ZNF749: variants seen among roughly 807,000 people sequenced by gnomAD.
ZNF749 encodes zinc finger protein 749.
Under a neutral mutation model 7.3 loss-of-function variants are expected in ZNF749, and 8 were observed. That is an observed-to-expected ratio of 1.10 (90% confidence interval 0.64 to 1.98). The LOEUF (loss-of-function observed/expected upper bound fraction) is 1.98, where lower values mean the gene tolerates loss of function less well. ZNF749 is among the 30% of genes most tolerant of loss of function. The pLI, the probability that ZNF749 is intolerant of heterozygous loss-of-function variation, is 0.00. For synonymous variants in ZNF749, 310 were observed against 322.4 expected, an observed-to-expected ratio of 0.96 and a Z score of 0.41; for missense variants, 898 against 932.4, an observed-to-expected ratio of 0.96 and a Z score of 0.48.
At chr19:57,429,843 C>G in the ZNF749 span, among the ~76,000 whole-genome samples, 1 of 152,090 alleles carries the variant, frequency 6.6e-6, no homozygotes. This position sits in a 1 kb window ranked among gnomAD's most constrained non-coding sequence, Gnocchi z 4.2. Context: ...TCAAAAGGCA[C>G]ATGTTTCTAA....
chr19:57,437,932 TCA>T (rs1377087673), intron 1 of ZNF749: 12 of 395,096 alleles, frequency 3.0e-5, no homozygotes, highest in African/African-American at 2.1e-4. Flanking sequence ...TTAGGGAGGT[TCA>T]GTCCTTGTCC....
chr19:57,440,737 C>T (rs1490994964), intron 1 of ZNF749, among the ~76,000 whole-genome samples: 2 of 152,016 alleles, frequency 1.3e-5, no homozygotes, highest in African/African-American at 4.8e-5. Flanking sequence ...TGCGTGGTCC[C>T]AGCCCTGGCA....
rs559982780 is a variant in ZNF749 at position 57,441,829 on chromosome 19, T to C, written c.16-56T>C. ...GATTTTAAGTAGATAAATACAGATC[T>C]AAGGAAACACAGAATAAGAAGTTGT... On this transcript the variant is annotated intron_variant, in intron 1 of 2. Transcript: ENST00000334181. 4 of 1,607,090 alleles carry C rather than the reference T, an allele frequency of 2.5e-6. No individual in the cohort carries two copies. The Admixed American group carries it at 6.8e-5, about 27-fold the overall frequency.
chr19:57,445,243 A>G lies in ZNF749; in HGVS notation c.2095A>G (p.Ser699Gly). The change falls in exon 3 of 3, where the codon AGT becomes GGT. Residue 699 changes from serine to glycine, a missense_variant. Ser to Gly is a moderately conservative substitution (Grantham distance 56, BLOSUM62 0). Coordinates refer to ENST00000334181, the MANE Select transcript of ZNF749 (RefSeq NM_001023561.4). ...VCTGEKPHEC[S>G]KCRELFRTKS... is the part of the protein sequence containing the mutation. ...CACTGGGGAGAAGCCTCATGAGTGC[A>G]GTAAATGTAGGGAATTGTTTAGGAC... 1 of 1,614,032 alleles carries G rather than the reference A, an allele frequency of 6.2e-7. No individual in the cohort carries two copies.
intron 1 of ZNF749, among the ~76,000 whole-genome samples, chr19:57,438,767 A>G (rs2088959458): frequency 1.3e-5 from 2 of 152,186 alleles, no homozygotes; most frequent in Non-Finnish European, 2.9e-5. Flanking sequence ...TTGGGTCTGA[A>G]GACTGTGGTT....
intron 1 of ZNF749, chr19:57,438,075 C>T: frequency 2.5e-6 from 1 of 398,808 alleles, no homozygotes; most frequent in Non-Finnish European, 4.4e-6. Context: ...TGTCCTGATA[C>T]TCATGGCTTG....
Position 57,442,156 on chromosome 19 carries a change from C to A in ZNF749, c.142+145C>A. 2 of 1,078,918 alleles carry A rather than the reference C, an allele frequency of 1.9e-6. No homozygotes were observed. The highest frequency in any genetic ancestry group is 2.6e-5 in the Admixed American group (1 of 37,920). The allele number at this position is 1,078,918 out of a possible 1,614,324, so 66.8% of individuals were successfully genotyped here. A position where few individuals can be genotyped will look rare whatever the true frequency, so the allele number is the denominator to read the frequency against. ...TTCCTGGCAAATGTGATAAGGCAGC[C>A]AGAGCTGGGCTGTGTATACTGTACC... On this transcript the variant is annotated intron_variant, in intron 2 of 2. Coordinates refer to ENST00000334181, the MANE Select transcript of ZNF749 (RefSeq NM_001023561.4). The surrounding 1 kb of genome is among the most constrained non-coding windows in gnomAD (Gnocchi z 6.6).
In ZNF749 at chr19:57,442,956, C is replaced by T. The variant is rs1435896427; in HGVS notation, c.143-335C>T. Among the ~76,000 whole-genome samples the T allele has an allele frequency of 3.3e-5, 5 of 152,250 alleles. No homozygotes were observed. The highest frequency in any genetic ancestry group is 1.9e-4 in the East Asian group (1 of 5,174). On this transcript the variant is annotated intron_variant, in intron 2 of 2. Coordinates refer to ENST00000334181, the MANE Select transcript of ZNF749 (RefSeq NM_001023561.4). This position sits in a 1 kb window ranked among gnomAD's most constrained non-coding sequence, Gnocchi z 6.6. ...GGTCTGCGTGTATCCTTCAGTAGTC[C>T]ATGAATACTCGCTCTCACACAATCA...
rs2089002429 is a variant in ZNF749, at chr19:57,442,532, G to A, written c.142+521G>A. Among the ~76,000 whole-genome samples the A allele has an allele frequency of 6.6e-6, 1 of 152,092 alleles. No homozygotes were observed. Among genetic ancestry groups the A allele is most frequent in the Non-Finnish European group, 1.5e-5 (1 of 68,016 alleles). ...TACATGCTGTCCCCTCCCTTTCCCT[G>A]CCTTTCCCGTAGCTGGACTTATGCC... On this transcript the variant is annotated intron_variant, in intron 2 of 2. Transcript: ENST00000334181. The surrounding 1 kb of genome is among the most constrained non-coding windows in gnomAD (Gnocchi z 6.6).
At chr19:57,434,105 TTTTG>T (rs1459378327), upstream of ZNF749, among the ~76,000 whole-genome samples, 3 of 152,116 alleles carry the variant, frequency 2.0e-5, no homozygotes, top group Non-Finnish European at 4.4e-5. Flanking sequence ...CCTTGTCTTT[TTTTG>T]TTTTTGAGAC....
At chr19:57,431,978 C>G (rs147206236), upstream of ZNF749, among the ~76,000 whole-genome samples, 1,018 of 152,092 alleles carry the variant, frequency 6.7e-3, 10 homozygotes, top group African/African-American at 0.023. Context: ...GCATGCCTGG[C>G]CAATTTTGTA....
chr19:57,434,678 A>C (rs1370547865), upstream of ZNF749, among the ~76,000 whole-genome samples: 3 of 152,214 alleles, frequency 2.0e-5, no homozygotes, highest in Admixed American at 2.0e-4. Flanking sequence ...TTAGTCACTC[A>C]TATTTGTCTC....
intron 1 of ZNF749, among the ~76,000 whole-genome samples, chr19:57,440,134 T>A (rs1218541771): frequency 2.6e-5 from 4 of 151,936 alleles, no homozygotes; most frequent in East Asian, 3.9e-4. Flanking sequence ...AGAGTGGCCA[T>A]GAGATGGATG....
At chr19:57,441,800 C>G in intron 1 of ZNF749, 85 bp from the exon 2 acceptor site, 1 of 1,555,684 alleles carries the variant, frequency 6.4e-7, no homozygotes, top group Non-Finnish European at 8.8e-7. Context: ...CCCTCCAATT[C>G]TTAGATTTTA....
the ZNF749 span, among the ~76,000 whole-genome samples, chr19:57,429,980 C>G: frequency 6.6e-6 from 1 of 152,122 alleles, no homozygotes; most frequent in African/African-American, 2.4e-5. This position sits in a 1 kb window ranked among gnomAD's most constrained non-coding sequence, Gnocchi z 4.2. Context: ...TCTTAATTTC[C>G]TAGCCTTTTT....
upstream of ZNF749, among the ~76,000 whole-genome samples, chr19:57,432,561 TA>T (rs750185614): frequency 8.1e-3 from 605 of 74,238 alleles, 3 homozygotes; most frequent in African/African-American, 0.025. Context: ...GACTCTGTCT[TA>T]AAAAAAAAAA....
At chr19:57,428,624 C>T in the ZNF749 span, 9 of 151,746 alleles carry the variant, frequency 5.9e-5, no homozygotes, top group Admixed American at 2.0e-4. Flanking sequence ...ATTATTTTGA[C>T]AAGATTTAAT....
At position 57,435,607 on chromosome 19, in the gene ZNF749, C is replaced by T. The variant is rs765783323; in HGVS notation, c.15+14C>T. 8.1e-6 allele frequency: 13 copies of T among 1,601,974 alleles called. No individual in the cohort carries two copies. The highest frequency in any genetic ancestry group is 4.0e-5 in the African/African-American group (3 of 74,764). On this transcript the variant is annotated intron_variant, in intron 1 of 2. Transcript: ENST00000334181. The stretch of plus-strand genomic sequence containing the variant: ...AACCTGACCGAGGTGCGTGCAGCGT[C>T]CCAGGCCGCCCCGCCCAACCCCTCC...
chr19:57,438,230 G>C (rs1010532154), intron 1 of ZNF749: 3 of 395,808 alleles, frequency 7.6e-6, no homozygotes, highest in Non-Finnish European at 1.3e-5. Context: ...CAGAAGGAAT[G>C]CTGAAGGCAG....
Sources: allele counts gnomAD v4.1 joint callset (sites outside exome capture counted in the v4.1 genomes callset), GRCh38; gene constraint gnomAD v4.1.1; non-coding constraint Gnocchi (gnomAD v3.1); transcripts MANE v1.5; gene names NCBI Gene and HGNC (gene_info 2026-07-23, HGNC 2026-07-21).